MYRIP: variants seen among roughly 807,000 people sequenced by gnomAD.
MYRIP encodes the protein rab effector MyRIP.
In MYRIP, 49 loss-of-function variants were observed where a neutral mutation model predicts 98.0. That is an observed-to-expected ratio of 0.50 (90% confidence interval 0.40 to 0.63). MYRIP has a LOEUF of 0.63. Ranked by LOEUF, MYRIP falls within the 30% of genes least tolerant of loss-of-function variation. The probability of loss-of-function intolerance (pLI) is 0.00; values close to 1 mark genes in which losing one functional copy is unlikely to be tolerated. For synonymous variants in MYRIP, 404 were observed against 409.5 expected (o/e 0.99, Z 0.16); for missense variants, 1,004 against 1,058.2 (o/e 0.95, Z 0.71).
At chr3:39,954,036 C>T (rs907714054) in intron 2 of MYRIP, among the ~76,000 whole-genome samples, 6 of 152,116 alleles carry the variant, frequency 3.9e-5, no homozygotes, top group African/African-American at 1.2e-4. Context: ...TGGAGCCCAC[C>T]GCAGCTCAGG....
chr3:39,908,221 T>G (rs1181305854), intron 2 of MYRIP, among the ~76,000 whole-genome samples: 1 of 152,116 alleles, frequency 6.6e-6, no homozygotes, highest in Admixed American at 6.5e-5. Flanking sequence ...CAGAGGGCAG[T>G]GAGTGTGAGA....
chr3:40,244,579 C>A lies in MYRIP; in HGVS notation c.2234C>A (p.Ala745Glu). Residue 745 changes from alanine (A) to glutamate (E), a missense_variant, in exon 13 of 17, where the codon GCA becomes GAA. This residue lies in a region of MYRIP where 16 missense variants were observed against 39.5 expected (regional missense o/e 0.41). Coordinates refer to ENST00000302541, the MANE Select transcript of MYRIP (RefSeq NM_015460.4). ...ADLEDQVATA[A>E]AQVHHAELQI... The stretch of plus-strand genomic sequence containing the variant: ...CTGGAGGACCAGGTGGCCACGGCTG[C>A]AGCCCAAGTCCACCATGCTGAACTC... The A allele has an allele frequency of 6.2e-7, 1 of 1,613,526 alleles. No individual in the cohort carries two copies. Among genetic ancestry groups the A allele is most frequent in the Middle Eastern group, 1.7e-4 (1 of 6,014 alleles).
At chr3:40,185,695 GAGA>G (rs1426285586) in intron 9 of MYRIP, among the ~76,000 whole-genome samples, 1 of 152,104 alleles carries the variant, frequency 6.6e-6, no homozygotes, top group Non-Finnish European at 1.5e-5. Context: ...AAAAAAGCAG[GAGA>G]AGGAGAGCTG....
chr3:39,950,616 C>A (rs1370738826), intron 2 of MYRIP, among the ~76,000 whole-genome samples: 1 of 152,112 alleles, frequency 6.6e-6, no homozygotes, highest in Admixed American at 6.6e-5. Flanking sequence ...GACTGGGTCT[C>A]TCTTTCCATT....
At chr3:39,954,386 G>A (rs1945104786) in intron 2 of MYRIP, among the ~76,000 whole-genome samples, 2 of 152,106 alleles carry the variant, frequency 1.3e-5, no homozygotes, top group Non-Finnish European at 2.9e-5. Context: ...CTCCGCTGGG[G>A]TGATACCCAG....
At chr3:40,080,296 T>A (rs143123766) in intron 3 of MYRIP, among the ~76,000 whole-genome samples, 14 of 152,276 alleles carry the variant, frequency 9.2e-5, no homozygotes, top group African/African-American at 3.4e-4. Flanking sequence ...TTGTGTATTG[T>A]GTTTTTATAC....
Position 40,027,112 on chromosome 3 carries a change from A to T in MYRIP, c.111-16938A>T, listed in dbSNP as rs552142064. ...GCTCTTCAGATGCCTCACAGATTTC[A>T]CTAAAACTTGCTCCTGCCCACCCTA... On this transcript the variant is annotated intron_variant, in intron 2 of 16. Transcript: ENST00000302541. Among the ~76,000 whole-genome samples, 4 of 152,036 alleles carry T rather than the reference A, an allele frequency of 2.6e-5. No individual in the cohort carries two copies. The East Asian group carries it at 5.8e-4, about 22-fold the overall frequency.
chr3:40,030,273 A>G (rs919654448), intron 2 of MYRIP, among the ~76,000 whole-genome samples: 9 of 152,132 alleles, frequency 5.9e-5, no homozygotes, highest in African/African-American at 2.2e-4. Flanking sequence ...AGGGAAGTGC[A>G]AGTCAAAAGC....
At chr3:40,013,646 C>T (rs1216918746) in intron 2 of MYRIP, among the ~76,000 whole-genome samples, 1 of 152,214 alleles carries the variant, frequency 6.6e-6, no homozygotes, top group African/African-American at 2.4e-5. Context: ...GGCTTAACCA[C>T]TCATTAGCTT....
chr3:40,058,777 T>G (rs1448914164), intron 3 of MYRIP, among the ~76,000 whole-genome samples: 1 of 152,176 alleles, frequency 6.6e-6, no homozygotes, highest in Non-Finnish European at 1.5e-5. Flanking sequence ...CTATACGGAT[T>G]CTTTTTTTCT....
intron 2 of MYRIP, among the ~76,000 whole-genome samples, chr3:39,958,514 A>G (rs1945231192): frequency 1.3e-5 from 2 of 152,208 alleles, no homozygotes; most frequent in Admixed American, 6.5e-5. Context: ...TTTATACCTT[A>G]TACAAAAATT....
intron 2 of MYRIP, among the ~76,000 whole-genome samples, chr3:40,000,546 C>T (rs9851591): frequency 0.1 from 15,374 of 152,160 alleles, 1,354 homozygotes; most frequent in African/African-American, 0.23. Context: ...TCTTGAAATG[C>T]CCAGAGCTAG....
intron 4 of MYRIP, among the ~76,000 whole-genome samples, chr3:40,157,910 C>T (rs532228258): frequency 3.3e-5 from 5 of 152,184 alleles, no homozygotes; most frequent in South Asian, 2.1e-4. Flanking sequence ...GTCTTGCTAG[C>T]GATTTATCAG....
intron 2 of MYRIP, among the ~76,000 whole-genome samples, chr3:39,977,217 T>C (rs1945778987): frequency 6.6e-6 from 1 of 151,712 alleles, no homozygotes; most frequent in South Asian, 2.1e-4. Context: ...ACTATAGACG[T>C]GAGAGAGGAA....
rs55658440 is a variant in MYRIP at position 39,879,342 on chromosome 3, C to T, written c.-30-21445C>T. On this transcript the variant is annotated intron_variant, in intron 1 of 16. Coordinates refer to ENST00000302541, the MANE Select transcript of MYRIP (RefSeq NM_015460.4). ...GCAAATCCCAACATCTGGGTTATCTCAGGGTCTGTTTCCTTTTTCTTTGAC... is the reference window on the plus strand; with the variant it reads ...GCAAATCCCAACATCTGGGTTATCTTAGGGTCTGTTTCCTTTTTCTTTGAC... Among the ~76,000 whole-genome samples the T allele has an allele frequency of 6.8e-3, 1,035 of 151,278 alleles. 6 individuals are homozygous for T. The highest frequency in any genetic ancestry group is 0.031 in the Middle Eastern group (9 of 292).
At chr3:40,099,236 T>A (rs1948893332) in intron 3 of MYRIP, among the ~76,000 whole-genome samples, 1 of 152,200 alleles carries the variant, frequency 6.6e-6, no homozygotes, top group South Asian at 2.1e-4. Flanking sequence ...TGTTTCTTCT[T>A]AGTCTAAGAT....
chr3:40,040,994 G>GAAAATATTACCAGCAGAAAAAAAAAAAA (rs1947506214), intron 2 of MYRIP, among the ~76,000 whole-genome samples: 1 of 8,248 alleles, frequency 1.2e-4, no homozygotes, highest in African/African-American at 2.8e-4. Flanking sequence ...AAAAAAAAAA[G>GAAAATATTACCAGCAGAAAAAAAAAAAA]AAAAAAAAAA....
chr3:39,862,002 AT>A (rs1942485884), intron 1 of MYRIP, among the ~76,000 whole-genome samples: 1 of 152,186 alleles, frequency 6.6e-6, no homozygotes, highest in African/African-American at 2.4e-5. Context: ...TCATTGTGAA[AT>A]ACCACACAAG....
chr3:39,818,155 A>G (rs569553552), intron 1 of MYRIP, among the ~76,000 whole-genome samples: 67 of 152,318 alleles, frequency 4.4e-4, no homozygotes, highest in African/African-American at 1.5e-3. Flanking sequence ...TCAACTTTGT[A>G]GACATTTTTT....
Sources: allele counts gnomAD v4.1 joint callset (sites outside exome capture counted in the v4.1 genomes callset), GRCh38; gene constraint gnomAD v4.1.1; regional missense constraint gnomAD v4.1.1; transcripts MANE v1.5; gene names NCBI Gene and HGNC (gene_info 2026-07-23, HGNC 2026-07-21).